Variants in DACH1 observed in about 807,000 individuals in gnomAD.
DACH1 encodes the protein dachshund family transcription factor 1.
In DACH1, 12 loss-of-function variants were observed where a neutral mutation model predicts 54.2. That is an observed-to-expected ratio of 0.22 (90% confidence interval 0.14 to 0.36). The LOEUF (loss-of-function observed/expected upper bound fraction) is 0.36, where lower values mean the gene tolerates loss of function less well. Among genes scored for constraint, DACH1 ranks in the 10% least tolerant of loss-of-function variants. The pLI is 1.00. For synonymous variants in DACH1, 386 were observed against 366.2 expected, an observed-to-expected ratio of 1.05 and a Z score of -0.62; for missense variants, 805 against 929.8, an observed-to-expected ratio of 0.87 and a Z score of 1.75.
intron 1 of DACH1, among the ~76,000 whole-genome samples, chr13:71,845,025 G>A (rs192388277): frequency 6.6e-6 from 1 of 152,020 alleles, no homozygotes; most frequent in African/African-American, 2.4e-5. Flanking sequence ...TAAATAAGAG[G>A]AGTCAATTCT....
intron 1 of DACH1, among the ~76,000 whole-genome samples, chr13:71,820,307 T>C (rs1888134929): frequency 1.3e-5 from 2 of 152,038 alleles, no homozygotes; most frequent in Admixed American, 1.3e-4. Flanking sequence ...ATTATCCTAG[T>C]ATCCAAACAA....
intron 1 of DACH1, among the ~76,000 whole-genome samples, chr13:71,753,837 C>T (rs921683374): frequency 1.8e-4 from 28 of 152,258 alleles, no homozygotes; most frequent in African/African-American, 6.7e-4. Flanking sequence ...CTGTAAACTA[C>T]TATACAAGAA....
At chr13:71,533,100 A>T (rs1475825905) in intron 6 of DACH1, among the ~76,000 whole-genome samples, 1 of 151,854 alleles carries the variant, frequency 6.6e-6, no homozygotes, top group Non-Finnish European at 1.5e-5. Flanking sequence ...AAGACTTAAA[A>T]AAAAAACAAA....
chr13:71,799,466 T>C (rs2138119180), intron 1 of DACH1, among the ~76,000 whole-genome samples: 1 of 152,292 alleles, frequency 6.6e-6, no homozygotes, highest in South Asian at 2.1e-4. Context: ...GCTGGTGCTG[T>C]ACACTGCAGC....
At chr13:71,746,983 T>C (rs1884626697) in intron 1 of DACH1, among the ~76,000 whole-genome samples, 2 of 152,182 alleles carry the variant, frequency 1.3e-5, no homozygotes, top group African/African-American at 4.8e-5. Flanking sequence ...ATCTAACACA[T>C]AATCTTGTAG....
At chr13:71,818,720 G>T (rs1888062271) in intron 1 of DACH1, among the ~76,000 whole-genome samples, 1 of 152,152 alleles carries the variant, frequency 6.6e-6, no homozygotes, top group Non-Finnish European at 1.5e-5. Flanking sequence ...CTTCCAGTTA[G>T]CAAACAAACA....
intron 10 of DACH1, among the ~76,000 whole-genome samples, chr13:71,450,135 T>G (rs1874894039): frequency 6.6e-6 from 1 of 151,926 alleles, no homozygotes; most frequent in Non-Finnish European, 1.5e-5. Context: ...TTACCTCCTT[T>G]TATTTTGCTT....
intron 10 of DACH1, among the ~76,000 whole-genome samples, chr13:71,454,031 G>A (rs1015307101): frequency 8.1e-5 from 12 of 147,286 alleles, no homozygotes; most frequent in Non-Finnish European, 1.6e-4. Context: ...GATGTGCAAC[G>A]TTATATTAAA....
intron 4 of DACH1, among the ~76,000 whole-genome samples, chr13:71,564,414 C>A (rs759050613): frequency 6.6e-6 from 1 of 150,598 alleles, no homozygotes; most frequent in Non-Finnish European, 1.5e-5. Flanking sequence ...TGCAATGTTC[C>A]ATCTTTATAA....
intron 1 of DACH1, among the ~76,000 whole-genome samples, chr13:71,717,750 T>C (rs1343613936): frequency 1.3e-5 from 2 of 152,150 alleles, no homozygotes; most frequent in Non-Finnish European, 2.9e-5. Flanking sequence ...TGTATCTTGA[T>C]GTATGCCATT....
At chr13:71,810,568 TC>T (rs754730971) in intron 1 of DACH1, among the ~76,000 whole-genome samples, 2 of 152,150 alleles carry the variant, frequency 1.3e-5, no homozygotes, top group Admixed American at 1.3e-4. Context: ...TACAGTGAAC[TC>T]AGGTGGCTGA....
chr13:71,549,681 G>C (rs559135248), intron 6 of DACH1, among the ~76,000 whole-genome samples: 8 of 152,244 alleles, frequency 5.3e-5, no homozygotes, highest in Admixed American at 2.0e-4. Context: ...CATATTGCTT[G>C]TATGATAAAT....
At chr13:71,829,156 G>A (rs1163671452) in intron 1 of DACH1, among the ~76,000 whole-genome samples, 1 of 151,730 alleles carries the variant, frequency 6.6e-6, no homozygotes, top group African/African-American at 2.4e-5. Flanking sequence ...ATAGTTTGTG[G>A]TTCTATTTTA....
chr13:71,707,908 A>G (rs946421921), intron 1 of DACH1, among the ~76,000 whole-genome samples: 4 of 151,966 alleles, frequency 2.6e-5, no homozygotes, highest in African/African-American at 9.7e-5. Flanking sequence ...TTTCAAAAAC[A>G]CCTCCCACTA....
At chr13:71,731,152 G>A (rs139377935) in intron 1 of DACH1, among the ~76,000 whole-genome samples, 3 of 152,078 alleles carry the variant, frequency 2.0e-5, no homozygotes, top group Non-Finnish European at 4.4e-5. Context: ...AGAGCCAGTC[G>A]TGTTATTAAA....
chr13:71,605,999 C>T (rs1366954325), intron 3 of DACH1, among the ~76,000 whole-genome samples: 1 of 152,054 alleles, frequency 6.6e-6, no homozygotes, highest in African/African-American at 2.4e-5. Context: ...ACCTATCTCA[C>T]TGAAGCTACA....
intron 1 of DACH1, among the ~76,000 whole-genome samples, chr13:71,821,197 C>G (rs1888171684): frequency 6.6e-6 from 1 of 152,152 alleles, no homozygotes; most frequent in Non-Finnish European, 1.5e-5. Flanking sequence ...AATCCTCTTA[C>G]ATGGTGCTTA....
chr13:71,532,528 A>G (rs1205545553), intron 6 of DACH1, among the ~76,000 whole-genome samples: 3 of 151,998 alleles, frequency 2.0e-5, no homozygotes, highest in Non-Finnish European at 4.4e-5. Context: ...ATAAATATAT[A>G]CCTTAATTAT....
chr13:71,528,202 A>C (rs921676617), intron 6 of DACH1, among the ~76,000 whole-genome samples: 1 of 152,190 alleles, frequency 6.6e-6, no homozygotes, highest in African/African-American at 2.4e-5. Flanking sequence ...TCATTCAGAC[A>C]TAAGGGCAAG....
Sources: gnomAD v4.1 joint callset for allele counts (sites outside exome capture counted in the v4.1 genomes callset) on GRCh38, gnomAD v4.1.1 for gene constraint, MANE v1.5 for transcripts, NCBI Gene and HGNC (gene_info 2026-07-23, HGNC 2026-07-21) for gene names.